Variants in MCTP1 observed in about 807,000 individuals in gnomAD.
MCTP1 encodes multiple C2 and transmembrane domain-containing protein 1.
Under a neutral mutation model 120.6 loss-of-function variants are expected in MCTP1, and 69 were observed. That is an observed-to-expected ratio of 0.57 (90% CI 0.47 to 0.70). The LOEUF is 0.70. Ranked by LOEUF, MCTP1 falls within the 30% of genes least tolerant of loss-of-function variation. The pLI is 0.00. For missense variants in MCTP1, 1,203 were observed against 1,248.8 expected, an observed-to-expected ratio of 0.96 and a Z score of 0.55; for synonymous variants, 529 against 493.1, an observed-to-expected ratio of 1.07 and a Z score of -0.96.
At chr5:94,720,473 T>C (rs2152627183) in intron 19 of MCTP1, among the ~76,000 whole-genome samples, 1 of 152,282 alleles carries the variant, frequency 6.6e-6, no homozygotes, top group Admixed American at 6.5e-5. Context: ...GATGAGATTA[T>C]AGTACATACA....
Position 95,180,234 on chromosome 5 carries a change from A to T in MCTP1, c.720+103622T>A, listed in dbSNP as rs569511563. 4.6e-5 allele frequency among the ~76,000 whole-genome samples: 7 copies of T among 152,360 alleles called. No individual in the cohort carries two copies. In the East Asian group the frequency reaches 1.3e-3, roughly 29 times the overall value. On this transcript the variant is annotated intron_variant, in intron 1 of 22. Transcript: ENST00000515393. Reference sequence around the variant, plus strand: ...GAATACTCCACTGTCAGCACTAGACAGGTCATGAAGACAAAAAGTCAACAA... The same window carrying T: ...GAATACTCCACTGTCAGCACTAGACTGGTCATGAAGACAAAAAGTCAACAA...
intron 17 of MCTP1, among the ~76,000 whole-genome samples, chr5:94,847,977 T>TGCA (rs1792863784): frequency 6.6e-6 from 1 of 152,078 alleles, no homozygotes; most frequent in Non-Finnish European, 1.5e-5. Flanking sequence ...CTCTTGAGAC[T>TGCA]GCAGGTCCTT....
At chr5:94,972,038 T>C (rs576841722) in intron 2 of MCTP1, among the ~76,000 whole-genome samples, 1 of 152,270 alleles carries the variant, frequency 6.6e-6, no homozygotes, top group South Asian at 2.1e-4. Flanking sequence ...ATTCCTTATC[T>C]AGATTATTTA....
chr5:94,846,774 C>A (rs892924881), intron 17 of MCTP1, among the ~76,000 whole-genome samples: 1 of 151,608 alleles, frequency 6.6e-6, no homozygotes, highest in Non-Finnish European at 1.5e-5. Flanking sequence ...GTGTGTGTCT[C>A]TGGTATGTGT....
At chr5:94,804,933 G>T (rs1227357422) in intron 17 of MCTP1, among the ~76,000 whole-genome samples, 1 of 151,996 alleles carries the variant, frequency 6.6e-6, no homozygotes, top group Non-Finnish European at 1.5e-5. Flanking sequence ...CCAGTTAAAA[G>T]CTTTACTAAT....
At chr5:95,271,818 A>G (rs459871) in intron 1 of MCTP1, among the ~76,000 whole-genome samples, 128,337 of 151,860 alleles carry the variant, frequency 0.85, 54,344 homozygotes, top group African/African-American at 0.9. Context: ...AGATAGATAT[A>G]AAATATTTTA....
chr5:95,159,247 G>A (rs1277207886), intron 1 of MCTP1, among the ~76,000 whole-genome samples: 1 of 152,128 alleles, frequency 6.6e-6, no homozygotes, highest in Admixed American at 6.5e-5. Context: ...ATCAATGATT[G>A]ACTTCAAATC....
intron 1 of MCTP1, among the ~76,000 whole-genome samples, chr5:95,259,477 T>C (rs1758250761): frequency 6.6e-6 from 1 of 152,180 alleles, no homozygotes; most frequent in Admixed American, 6.6e-5. Flanking sequence ...CTAATGTTAC[T>C]CTGGGGTTTC....
intron 19 of MCTP1, among the ~76,000 whole-genome samples, chr5:94,725,967 T>C: frequency 6.6e-6 from 1 of 152,330 alleles, no homozygotes; most frequent in South Asian, 2.1e-4. Context: ...TAAATTGTAT[T>C]AAATCTTAAT....
chr5:94,803,114 A>C (rs1781544293), intron 17 of MCTP1, among the ~76,000 whole-genome samples: 1 of 152,190 alleles, frequency 6.6e-6, no homozygotes, highest in African/African-American at 2.4e-5. Context: ...ATCTACCCCT[A>C]TGTTAGTTAT....
intron 19 of MCTP1, among the ~76,000 whole-genome samples, chr5:94,771,471 T>C (rs1300640752): frequency 1.3e-5 from 2 of 152,216 alleles, no homozygotes; most frequent in Non-Finnish European, 2.9e-5. Context: ...TCTTCTCTAT[T>C]CGCCAATTAA....
chr5:94,928,360 CTT>C (rs766336450), intron 6 of MCTP1, among the ~76,000 whole-genome samples: 1 of 152,050 alleles, frequency 6.6e-6, no homozygotes, highest in Non-Finnish European at 1.5e-5. Flanking sequence ...TAAATCATCT[CTT>C]TTGAGTTCAT....
In MCTP1 at chr5:95,017,457, T is replaced by C; in HGVS notation, c.748A>G (p.Asn250Asp). 1 of 1,608,866 alleles carries C rather than the reference T, an allele frequency of 6.2e-7. No homozygotes were observed. Among genetic ancestry groups the C allele is most frequent in the Non-Finnish European group, 8.5e-7 (1 of 1,176,662 alleles). Residue 250 changes from asparagine (N) to aspartate (D), a missense_variant, in exon 2 of 23, where the codon AAT (asparagine) becomes GAT (aspartate). Transcript: ENST00000515393. ...GGATCAGCCAAGGGGACTTCTGCATTACTGGTTCCAGCAGTGTTTATTATT... is the reference window on the plus strand; with the variant it reads ...GGATCAGCCAAGGGGACTTCTGCATCACTGGTTCCAGCAGTGTTTATTATT... Reference protein sequence around the residue: ...QKIINTAGTSNAEVPLADPGM... With the variant: ...QKIINTAGTSDAEVPLADPGM...
At chr5:94,835,589 G>A (rs548823409) in intron 17 of MCTP1, among the ~76,000 whole-genome samples, 9 of 152,116 alleles carry the variant, frequency 5.9e-5, no homozygotes, top group East Asian at 1.9e-4. Context: ...TTCATAATAC[G>A]TACTCACTAA....
At chr5:94,989,662 G>A (rs372885) in intron 2 of MCTP1, among the ~76,000 whole-genome samples, 107,478 of 151,982 alleles carry the variant, frequency 0.71, 38,579 homozygotes, top group Admixed American at 0.8. Flanking sequence ...GTCTCTAGAT[G>A]GCTTCAGGAT....
chr5:94,836,040 C>A (rs752436880), intron 17 of MCTP1, among the ~76,000 whole-genome samples: 4 of 151,138 alleles, frequency 2.6e-5, no homozygotes, highest in Non-Finnish European at 5.9e-5. Flanking sequence ...ATTAGCCAGG[C>A]ATGGTGGCAC....
At chr5:95,177,776 T>C (rs189612202) in intron 1 of MCTP1, among the ~76,000 whole-genome samples, 1 of 152,336 alleles carries the variant, frequency 6.6e-6, no homozygotes, top group East Asian at 1.9e-4. Context: ...GGAATTTTGC[T>C]TGTGTCTATT....
intron 1 of MCTP1, among the ~76,000 whole-genome samples, chr5:95,064,825 G>A (rs532586126): frequency 5.3e-5 from 8 of 152,322 alleles, no homozygotes; most frequent in African/African-American, 1.7e-4. Flanking sequence ...AGTTAATAAA[G>A]TATTCAATAA....
intron 1 of MCTP1, among the ~76,000 whole-genome samples, chr5:95,185,032 C>A (rs1749047680): frequency 6.6e-6 from 1 of 152,350 alleles, no homozygotes; most frequent in South Asian, 2.1e-4. Flanking sequence ...GTCTCTTGCA[C>A]AGCCGGCTCT....
Sources: gnomAD v4.1 joint callset for allele counts (sites outside exome capture counted in the v4.1 genomes callset) on GRCh38, gnomAD v4.1.1 for gene constraint, MANE v1.5 for transcripts, NCBI Gene and HGNC (gene_info 2026-07-23, HGNC 2026-07-21) for gene names.